Variants in DUSP8 observed in about 807,000 individuals in gnomAD.
DUSP8 encodes the protein dual specificity protein phosphatase 8.
Under a neutral mutation model 38.7 loss-of-function variants are expected in DUSP8, and 15 were observed. The observed-to-expected ratio is 0.39, with a 90% CI of 0.26 to 0.60. The LOEUF (loss-of-function observed/expected upper bound fraction) is 0.60, where lower values mean the gene tolerates loss of function less well. Among genes scored for constraint, DUSP8 ranks in the 20% least tolerant of loss-of-function variants. DUSP8 has a pLI of 0.56. For missense variants in DUSP8, 768 were observed against 915.0 expected (o/e 0.84, Z 2.07); for synonymous variants, 458 against 433.9 (o/e 1.06, Z -0.69).
Position 1,558,896 on chromosome 11 carries a change from A to C in DUSP8, c.530T>G (p.Leu177Arg). 1 of 1,609,418 alleles carries C rather than the reference A, an allele frequency of 6.2e-7. No individual in the cohort carries two copies. The highest frequency in any genetic ancestry group is 8.5e-7 in the Non-Finnish European group (1 of 1,177,282). Residue 177 changes from leucine to arginine, a missense_variant, in exon 4 of 7, where the codon CTA becomes CGA. By Grantham distance (102) the Leu-to-Arg change is moderately radical. Transcript: ENST00000397374. This position sits in a 1 kb window ranked among gnomAD's most constrained non-coding sequence, Gnocchi z 6.3. ...ACTCCACTGCACACACACCTTGTTT[A>C]GGACGTCCTTCTGCGAGCCCAGGTA... The part of the protein sequence containing the change: ...HLYLGSQKDV[L>R]NKDLMTQNGI...
Position 1,555,023 on chromosome 11 carries a change from T to A in DUSP8, c.*1495A>T. The A allele has an allele frequency of 7.1e-6, 7 of 986,134 alleles. No individual in the cohort carries two copies. The highest frequency in any genetic ancestry group is 8.4e-6 in the Non-Finnish European group (7 of 830,096). 61.1% of individuals were successfully genotyped at this position (986,134 alleles called of 1,614,324 possible). On this transcript the variant is annotated 3_prime_UTR_variant, in exon 7 of 7. Transcript: ENST00000397374. ...GGCTGGCTGGGGCGGGATGGGCGCC[T>A]CCCTGGCCCTGCTCCAGGACTCAGG...
At position 1,557,378 on chromosome 11, in the gene DUSP8, C is replaced by A; in HGVS notation, c.1018G>T (p.Ala340Ser). 2 of 1,569,376 alleles carry A rather than the reference C, an allele frequency of 1.3e-6. No individual in the cohort carries two copies. The highest frequency in any genetic ancestry group is 1.1e-5 in the South Asian group (1 of 87,816). ...PRLPPPTSES[A>S]ATGNAAAREG... ...CTGGCAGCCGCATTCCCTGTGGCAG[C>A]GCTCTCTGAGGTAGGTGGTGGCAGC... The change falls in exon 7 of 7, where the codon GCT becomes TCT. Residue 340 changes from alanine to serine, a missense_variant. Ala to Ser is a moderately conservative substitution (Grantham distance 99). This residue lies in a region of DUSP8 where 474 missense variants were observed against 430.8 expected (regional missense o/e 1.10). Coordinates refer to ENST00000397374, the MANE Select transcript of DUSP8 (RefSeq NM_004420.3). This position sits in a 1 kb window ranked among gnomAD's most constrained non-coding sequence, Gnocchi z 9.9.
intron 2 of DUSP8, among the ~76,000 whole-genome samples, chr11:1,564,240 C>T (rs1848767125): frequency 6.6e-6 from 1 of 152,208 alleles, no homozygotes; most frequent in Non-Finnish European, 1.5e-5. Context: ...CTGCCCTGCG[C>T]AGCTGTGCCC....
chr11:1,557,927 T>G lies in DUSP8; in HGVS notation c.698-10A>C, dbSNP rs764560257. ...GAGAGCTTGGCTTTATCTGGGCAGGTGGGCCATGGGGGCCAGGTGAGGGCT... is the reference window on the plus strand; with the variant it reads ...GAGAGCTTGGCTTTATCTGGGCAGGGGGGCCATGGGGGCCAGGTGAGGGCT... On this transcript the variant is annotated splice_polypyrimidine_tract_variant and intron_variant, in intron 5 of 6. Transcript: ENST00000397374. The surrounding 1 kb of genome is among the most constrained non-coding windows in gnomAD (Gnocchi z 9.9). 2.1e-5 allele frequency: 34 copies of G among 1,613,604 alleles called. No individual in the cohort carries two copies. Among genetic ancestry groups the G allele is most frequent in the Non-Finnish European group, 2.7e-5 (32 of 1,179,996 alleles).
chr11:1,565,698 C>G lies in DUSP8; in HGVS notation c.129G>C (p.Val43=), dbSNP rs760007266. ...RSFVEYNSWH[V]LSSVNICCSK... is the part of the protein sequence containing the mutation. ...AGCAGCAGATGTTGACGGAGCTGAG[C>G]ACATGCCAGCTGTTGTACTCCACGA... is the stretch of plus-strand genomic sequence containing the variant. Residue 43 remains valine, a synonymous_variant, in exon 2 of 7, where the codon GTG becomes GTC. Coordinates refer to ENST00000397374, the MANE Select transcript of DUSP8 (RefSeq NM_004420.3). 1.9e-6 allele frequency: 3 copies of G among 1,611,958 alleles called. No homozygotes were observed. The highest frequency in any genetic ancestry group is 2.5e-6 in the Non-Finnish European group (3 of 1,179,712).
In DUSP8 at chr11:1,560,343, G is replaced by A. The variant is rs765795598; in HGVS notation, c.371-1288C>T. The stretch of plus-strand genomic sequence containing the variant: ...GTAGCAGGTGCCCACTGCCTGCCCC[G>A]CGTGCCCCCAGTGCCTAGGGCTCCT... On this transcript the variant is annotated intron_variant, in intron 3 of 6. Transcript: ENST00000397374. 3.0e-4 allele frequency among the ~76,000 whole-genome samples: 45 copies of A among 152,228 alleles called. 1 individual carries two copies. Among genetic ancestry groups the A allele is most frequent in the Middle Eastern group, 6.8e-3 (2 of 294 alleles).
In DUSP8 at chr11:1,557,028, C is replaced by A; in HGVS notation, c.1368G>T (p.Arg456=). 9.5e-7 allele frequency: 1 copy of A among 1,052,500 alleles called. No individual in the cohort carries two copies. The highest frequency in any genetic ancestry group is 1.1e-6 in the Non-Finnish European group (1 of 875,328). The allele number at this position is 1,052,500 out of a possible 1,614,324, so 65.2% of individuals were successfully genotyped here. A position where few individuals can be genotyped will look rare whatever the true frequency, so the allele number is the denominator to read the frequency against. Residue 456 remains arginine (R), a synonymous_variant, in exon 7 of 7, where the codon CGG becomes CGT. Transcript: ENST00000397374. This position sits in a 1 kb window ranked among gnomAD's most constrained non-coding sequence, Gnocchi z 9.9. ...CGGGGGAGCCGGCGGGGGGCCGGGG[C>A]CGCCGGCGGGGCCGTGGGCGCGCCT... The part of the protein sequence containing the change: ...APEARPRPRR[R]PRPPAGSPAR...
rs747581475 is a variant in DUSP8 at position 1,558,951 on chromosome 11, C to T, written c.475G>A (p.Val159Met). 16 of 1,612,898 alleles carry T rather than the reference C, an allele frequency of 9.9e-6. No homozygotes were observed. Among genetic ancestry groups the T allele is most frequent in the Admixed American group, 8.3e-5 (5 of 59,988 alleles). ...TGAGGCAGGATGCGGGTCAGGCCCA[C>T]GCTGGGCACAGGCAGGCAGGGCTGG... ...LSQPCLPVPS[V>M]GLTRILPHLY... is the part of the protein sequence containing the mutation. The change falls in exon 4 of 7, where the codon GTG becomes ATG. Residue 159 changes from valine to methionine, a missense_variant. By Grantham distance (21) the Val-to-Met change is conservative (BLOSUM62 1). This residue lies in a region of DUSP8 where 252 missense variants were observed against 410.4 expected (regional missense o/e 0.61). Coordinates refer to ENST00000397374, the MANE Select transcript of DUSP8 (RefSeq NM_004420.3). This position sits in a 1 kb window ranked among gnomAD's most constrained non-coding sequence, Gnocchi z 6.3.
chr11:1,558,398 AG>A lies in DUSP8; in HGVS notation c.538-128del. The stretch of plus-strand genomic sequence containing the variant: ...TCCTGGGAGCCTTGGAATTTGTCCC[AG>A]ATCCCAGTGTATCCAGGGGAGGGCC... On this transcript the variant is annotated intron_variant, in intron 4 of 6. Coordinates refer to ENST00000397374, the MANE Select transcript of DUSP8 (RefSeq NM_004420.3). The surrounding 1 kb of genome is among the most constrained non-coding windows in gnomAD (Gnocchi z 6.3). 1.1e-6 allele frequency: 1 copy of A among 887,670 alleles called. No homozygotes were observed. Among genetic ancestry groups the A allele is most frequent in the Non-Finnish European group, 1.7e-6 (1 of 585,232 alleles). 55.0% of individuals were successfully genotyped at this position (887,670 alleles called of 1,614,324 possible). A position where few individuals can be genotyped will look rare whatever the true frequency, so the allele number is the denominator to read the frequency against.
rs773559461 is a variant in DUSP8, at chr11:1,554,686, G to A, written c.*1832C>T. 9.9e-5 allele frequency: 94 copies of A among 947,520 alleles called. No homozygotes were observed. The highest frequency in any genetic ancestry group is 1.2e-4 in the East Asian group (1 of 8,652). 58.7% of individuals were successfully genotyped at this position (947,520 alleles called of 1,614,324 possible). A position where few individuals can be genotyped will look rare whatever the true frequency, so the allele number is the denominator to read the frequency against. On this transcript the variant is annotated 3_prime_UTR_variant, in exon 7 of 7. Coordinates refer to ENST00000397374, the MANE Select transcript of DUSP8 (RefSeq NM_004420.3). Reference sequence around the variant, plus strand: ...CAGTGGCCCCAGACCACTGTCTCCCGGACAGCACAGGGGTGGGGGGCGAGA... The same window carrying A: ...CAGTGGCCCCAGACCACTGTCTCCCAGACAGCACAGGGGTGGGGGGCGAGA...
chr11:1,571,022 C>T (rs1385799342), intron 1 of DUSP8, among the ~76,000 whole-genome samples: 6 of 151,832 alleles, frequency 4.0e-5, no homozygotes, highest in African/African-American at 1.2e-4. Context: ...ACAGTGTCCC[C>T]GCCCCCCATC....
At chr11:1,563,677 T>C (rs1009258559) in intron 3 of DUSP8, among the ~76,000 whole-genome samples, 174 bp downstream of exon 3, 1 of 152,118 alleles carries the variant, frequency 6.6e-6, no homozygotes, top group African/African-American at 2.4e-5. Context: ...GATAGTCATA[T>C]TGGTGGGTCC....
Position 1,555,177 on chromosome 11 carries a change from G to A in DUSP8, c.*1341C>T. ...CAATGGCCCGAGGGGGTATGGGGCA[G>A]GGGCAGCAGGCTGACCCACCTGGGC... is the stretch of plus-strand genomic sequence containing the variant. On this transcript the variant is annotated 3_prime_UTR_variant, in exon 7 of 7. Transcript: ENST00000397374. 1 of 987,954 alleles carries A rather than the reference G, an allele frequency of 1.0e-6. No individual in the cohort carries two copies. The highest frequency in any genetic ancestry group is 4.7e-5 in the South Asian group (1 of 21,380). 61.2% of individuals were successfully genotyped at this position (987,954 alleles called of 1,614,324 possible).
rs138137110 is a variant in DUSP8 at position 1,565,791 on chromosome 11, A to C, written c.36T>G (p.Asp12Glu). 771 of 1,609,822 alleles carry C rather than the reference A, an allele frequency of 4.8e-4. No homozygotes were observed. The highest frequency in any genetic ancestry group is 2.8e-3 in the Middle Eastern group (15 of 5,282). The change falls in exon 2 of 7, where the codon GAT (aspartate) becomes GAG (glutamate). Residue 12 changes from aspartate (D) to glutamate (E), a missense_variant. By Grantham distance (45) the Asp-to-Glu change is conservative. Coordinates refer to ENST00000397374, the MANE Select transcript of DUSP8 (RefSeq NM_004420.3). ...GCAGCAGGCTGGCCAGCTTCTTGGC[A>C]TCCATCACCTTCCTCGGGAGCCGGT... is the stretch of plus-strand genomic sequence containing the variant. ...AGDRLPRKVM[D>E]AKKLASLLRG...
At chr11:1,564,932 G>A (rs764363438) in intron 2 of DUSP8, among the ~76,000 whole-genome samples, 14 of 152,290 alleles carry the variant, frequency 9.2e-5, no homozygotes, top group Admixed American at 4.6e-4. Context: ...TGTCCCCTGC[G>A]AGGCAGTAGA....
In DUSP8 at chr11:1,558,418, G is replaced by A. The variant is rs1376791319; in HGVS notation, c.538-147C>T. 1 of 755,030 alleles carries A rather than the reference G, an allele frequency of 1.3e-6. No homozygotes were observed. Among genetic ancestry groups the A allele is most frequent in the Non-Finnish European group, 2.1e-6 (1 of 474,186 alleles). 46.8% of individuals were successfully genotyped at this position (755,030 alleles called of 1,614,324 possible). ...GTCCCAGATCCCAGTGTATCCAGGG[G>A]AGGGCCCAGGAGGCCTCTCTGGTCC... On this transcript the variant is annotated intron_variant, in intron 4 of 6. Transcript: ENST00000397374. The surrounding 1 kb of genome is among the most constrained non-coding windows in gnomAD (Gnocchi z 6.3).
chr11:1,556,242 C>T lies in DUSP8; in HGVS notation c.*276G>A, dbSNP rs1029023547. The T allele has an allele frequency of 2.8e-6, 1 of 355,886 alleles. No individual in the cohort carries two copies. The highest frequency in any genetic ancestry group is 2.1e-5 in the African/African-American group (1 of 47,444). The allele number at this position is 355,886 out of a possible 1,614,324, so 22.0% of individuals were successfully genotyped here. ...TGGGGCGGGGGAACTGGGAGGGGCC[C>T]CAGGCCTGGCACCCAGCTTGCGACT... On this transcript the variant is annotated 3_prime_UTR_variant, in exon 7 of 7. Coordinates refer to ENST00000397374, the MANE Select transcript of DUSP8 (RefSeq NM_004420.3). The surrounding 1 kb of genome is among the most constrained non-coding windows in gnomAD (Gnocchi z 5.2).
intron 3 of DUSP8, among the ~76,000 whole-genome samples, chr11:1,560,881 C>G (rs1308573134): frequency 6.6e-6 from 1 of 152,158 alleles, no homozygotes; most frequent in Non-Finnish European, 1.5e-5. Flanking sequence ...GGAGGAGGTG[C>G]TGGGGATTCC....
At chr11:1,564,593 A>T (rs1480822695) in intron 2 of DUSP8, among the ~76,000 whole-genome samples, 1 of 152,156 alleles carries the variant, frequency 6.6e-6, no homozygotes, top group East Asian at 1.9e-4. Flanking sequence ...GCCAGCCCAG[A>T]TGTTGAGCGG....
Sources: allele counts gnomAD v4.1 joint callset (sites outside exome capture counted in the v4.1 genomes callset), GRCh38; gene constraint gnomAD v4.1.1; regional missense constraint gnomAD v4.1.1; non-coding constraint Gnocchi (gnomAD v3.1); transcripts MANE v1.5; gene names NCBI Gene and HGNC (gene_info 2026-07-23, HGNC 2026-07-21).